Variants in ZMAT5 observed in about 807,000 individuals in gnomAD.
ZMAT5 encodes the protein zinc finger matrin-type protein 5.
ZMAT5 carries 23 observed loss-of-function variants against 28.0 expected under a neutral mutation model. The observed-to-expected ratio is 0.82, with a 90% CI of 0.59 to 1.16. The LOEUF is 1.16. Ranked by LOEUF, ZMAT5 falls within the 50% of genes most tolerant of loss-of-function variation. ZMAT5 has a pLI of 0.00. For missense variants in ZMAT5, 173 were observed against 212.7 expected (o/e 0.81, Z 1.16); for synonymous variants, 76 against 84.1 (o/e 0.90, Z 0.52).
At chr22:29,765,591 C>T (rs991181399) in intron 1 of ZMAT5, among the ~76,000 whole-genome samples, 3 of 151,566 alleles carry the variant, frequency 2.0e-5, no homozygotes, top group Non-Finnish European at 2.9e-5. Flanking sequence ...CCCATCAGGC[C>T]GGGCATGGTG....
chr22:29,757,651 G>C (rs755444722), intron 1 of ZMAT5, among the ~76,000 whole-genome samples: 4 of 152,156 alleles, frequency 2.6e-5, no homozygotes, highest in Non-Finnish European at 5.9e-5. Flanking sequence ...CTCCAAGCTG[G>C]GTCAGGGTTG....
intron 5 of ZMAT5, chr22:29,731,740 C>T (rs1335073594): frequency 5.5e-6 from 1 of 180,350 alleles, no homozygotes; most frequent in Admixed American, 6.4e-5. Flanking sequence ...GAAAAAGCAG[C>T]TTATAAAATA....
At chr22:29,732,225 C>A (rs1469329041) in intron 5 of ZMAT5, among the ~76,000 whole-genome samples, 1 of 152,248 alleles carries the variant, frequency 6.6e-6, no homozygotes, top group Non-Finnish European at 1.5e-5. Flanking sequence ...GTACTTTGAA[C>A]CTTTGAGCAC....
chr22:29,759,434 T>A (rs1251261436), intron 1 of ZMAT5, among the ~76,000 whole-genome samples: 1 of 152,102 alleles, frequency 6.6e-6, no homozygotes, highest in Non-Finnish European at 1.5e-5. Flanking sequence ...AAATCATCCC[T>A]GCTCAAAATT....
At chr22:29,761,226 T>C (rs201672261) in intron 1 of ZMAT5, among the ~76,000 whole-genome samples, 1 of 144,886 alleles carries the variant, frequency 6.9e-6, no homozygotes, top group African/African-American at 2.6e-5. Flanking sequence ...TGAGCCGAGA[T>C]TGTGCCACTG....
chr22:29,748,677 T>A (rs1021969992), intron 1 of ZMAT5, 106 bp from the exon 2 acceptor site: 3 of 1,396,542 alleles, frequency 2.1e-6, no homozygotes, highest in Non-Finnish European at 2.9e-6. Flanking sequence ...GCTTTACTCA[T>A]ATGCACCCCG....
intron 1 of ZMAT5, among the ~76,000 whole-genome samples, chr22:29,749,602 C>T (rs131265): frequency 0.47 from 70,983 of 152,022 alleles, 16,923 homozygotes; most frequent in East Asian, 0.6. Context: ...TAGCTTCCTC[C>T]ACTCCCTGCT....
chr22:29,743,866 A>C (rs905749383), intron 2 of ZMAT5, among the ~76,000 whole-genome samples: 2 of 152,220 alleles, frequency 1.3e-5, no homozygotes, highest in African/African-American at 4.8e-5. Context: ...TATCCACCCC[A>C]GGGGAGGGGA....
intron 5 of ZMAT5, among the ~76,000 whole-genome samples, chr22:29,737,214 A>G (rs2067914505): frequency 6.6e-6 from 1 of 152,056 alleles, no homozygotes; most frequent in Non-Finnish European, 1.5e-5. Flanking sequence ...CTGTAATCCC[A>G]GCTACTTGGG....
chr22:29,732,251 C>A (rs140100), intron 5 of ZMAT5, among the ~76,000 whole-genome samples: 1 of 152,044 alleles, frequency 6.6e-6, no homozygotes, highest in African/African-American at 2.4e-5. Context: ...ACTCCCATCA[C>A]CCCAGCTGCC....
chr22:29,754,718 A>G (rs2068084047), intron 1 of ZMAT5, among the ~76,000 whole-genome samples: 1 of 151,928 alleles, frequency 6.6e-6, no homozygotes, highest in African/African-American at 2.4e-5. Flanking sequence ...AGAAAGAAAG[A>G]AAAAAATTAG....
chr22:29,753,253 G>A (rs187140880), intron 1 of ZMAT5, among the ~76,000 whole-genome samples: 3 of 152,358 alleles, frequency 2.0e-5, no homozygotes, highest in Non-Finnish European at 4.4e-5. Context: ...CAGGCCAGGC[G>A]TGGTGGCTCA....
Position 29,757,949 on chromosome 22 carries a change from G to C in ZMAT5, c.-28+8923C>G, listed in dbSNP as rs5763463. The stretch of plus-strand genomic sequence containing the variant: ...GGAGAATTGTTTGAACCTGGGAGAC[G>C]GAGGTTGCAGTGAGCCGAGATCGCC... On this transcript the variant is annotated intron_variant, in intron 1 of 5. Transcript: ENST00000344318. 4.6e-5 allele frequency among the ~76,000 whole-genome samples: 7 copies of C among 151,486 alleles called. No individual in the cohort carries two copies. In the East Asian group the frequency reaches 1.4e-3, roughly 30 times the overall value.
intron 1 of ZMAT5, among the ~76,000 whole-genome samples, chr22:29,765,231 C>T (rs954205819): frequency 3.3e-5 from 5 of 151,844 alleles, no homozygotes; most frequent in African/African-American, 1.2e-4. Context: ...CCAGCCTGGC[C>T]AACATGGTGA....
At chr22:29,731,478 G>A (rs1259693651) in intron 5 of ZMAT5, 124 bp from the exon 6 acceptor site, 1 of 1,328,742 alleles carries the variant, frequency 7.5e-7, no homozygotes, top group East Asian at 2.8e-5. Context: ...TGACTTTTCT[G>A]GAAGGCAGAG....
chr22:29,755,956 G>GT (rs2068097976), intron 1 of ZMAT5, among the ~76,000 whole-genome samples: 1 of 152,188 alleles, frequency 6.6e-6, no homozygotes, highest in African/African-American at 2.4e-5. Context: ...CTGTCCTGCC[G>GT]TGAGGCTGCT....
chr22:29,754,610 C>T (rs970841998), intron 1 of ZMAT5, among the ~76,000 whole-genome samples: 1 of 152,188 alleles, frequency 6.6e-6, no homozygotes, highest in Admixed American at 6.5e-5. Context: ...ATGGCTCAGG[C>T]CTGTAATCCC....
chr22:29,748,396 GC>G lies in ZMAT5; in HGVS notation c.127+21del, dbSNP rs758337358. On this transcript the variant is annotated intron_variant, in intron 2 of 5. Coordinates refer to ENST00000344318, the MANE Select transcript of ZMAT5 (RefSeq NM_001003692.2). ...CAGAGAGCAGGGCTCCAGGAGCCTG[GC>G]CCCCAGCCAGCGGCACCCACCTCGG... 10 of 1,614,120 alleles carry G rather than the reference GC, an allele frequency of 6.2e-6. No individual in the cohort carries two copies. In the Admixed American group the frequency reaches 6.7e-5, roughly 11 times the overall value.
At chr22:29,743,740 C>T (rs946711199) in intron 2 of ZMAT5, among the ~76,000 whole-genome samples, 1 of 152,300 alleles carries the variant, frequency 6.6e-6, no homozygotes, top group East Asian at 1.9e-4. Context: ...CCTATCTTTA[C>T]TTTCATCATA....
Sources: allele counts gnomAD v4.1 joint callset (sites outside exome capture counted in the v4.1 genomes callset), GRCh38; gene constraint gnomAD v4.1.1; transcripts MANE v1.5; gene names NCBI Gene and HGNC (gene_info 2026-07-23, HGNC 2026-07-21).